The following ADAM10 variants were observed in gnomAD, a reference collection of about 807,000 sequenced individuals.
The protein encoded by ADAM10 is disintegrin and metalloproteinase domain-containing protein 10.
In ADAM10, 17 loss-of-function variants were observed where a neutral mutation model predicts 90.1. That is an observed-to-expected ratio of 0.19 (90% confidence interval 0.13 to 0.28). The LOEUF (loss-of-function observed/expected upper bound fraction) is 0.28, where lower values mean the gene tolerates loss of function less well. Ranked by LOEUF, ADAM10 falls within the 10% of genes least tolerant of loss-of-function variation. ADAM10 has a pLI of 1.00. For synonymous variants in ADAM10, 310 were observed against 298.6 expected (o/e 1.04, Z -0.40); for missense variants, 610 against 914.3 (o/e 0.67, Z 4.29).
intron 5 of ADAM10, among the ~76,000 whole-genome samples, chr15:58,650,768 T>C (rs1269932055): frequency 1.3e-5 from 2 of 152,184 alleles, no homozygotes; most frequent in African/African-American, 4.8e-5. Context: ...TATGGAAATA[T>C]ACATACACAT....
chr15:58,716,798 C>T (rs1898675514), intron 2 of ADAM10, among the ~76,000 whole-genome samples: 2 of 152,014 alleles, frequency 1.3e-5, no homozygotes, highest in African/African-American at 2.4e-5. Context: ...AGGGTTACAT[C>T]AGTACAAAAA....
chr15:58,602,061 A>C (rs953855875), intron 14 of ADAM10, among the ~76,000 whole-genome samples: 3 of 152,144 alleles, frequency 2.0e-5, no homozygotes, highest in Non-Finnish European at 2.9e-5. Context: ...TTTTGTAGGG[A>C]CCTAATTTGG....
chr15:58,683,562 A>G (rs1343916099), intron 2 of ADAM10, among the ~76,000 whole-genome samples: 1 of 152,164 alleles, frequency 6.6e-6, no homozygotes, highest in African/African-American at 2.4e-5. Flanking sequence ...ATGTGGCATA[A>G]TAAGAAATAT....
intron 1 of ADAM10, among the ~76,000 whole-genome samples, chr15:58,733,654 C>T (rs1453571343): frequency 1.3e-5 from 2 of 152,128 alleles, no homozygotes; most frequent in African/African-American, 4.8e-5. Flanking sequence ...GGAGAAACTG[C>T]ATAACCTCTA....
intron 9 of ADAM10, among the ~76,000 whole-genome samples, chr15:58,630,037 G>A (rs1315443983): frequency 6.6e-6 from 1 of 152,068 alleles, no homozygotes; most frequent in Non-Finnish European, 1.5e-5. Flanking sequence ...GCCTCCCAAA[G>A]TGCTGGGATT....
chr15:58,619,608 T>G (rs1895720593), intron 11 of ADAM10, among the ~76,000 whole-genome samples: 1 of 151,998 alleles, frequency 6.6e-6, no homozygotes, highest in Non-Finnish European at 1.5e-5. Context: ...ATGTATCAAT[T>G]AAAAATGGAA....
At chr15:58,738,324 C>T (rs1218623980) in intron 1 of ADAM10, among the ~76,000 whole-genome samples, 2 of 152,200 alleles carry the variant, frequency 1.3e-5, no homozygotes, top group African/African-American at 4.8e-5. Context: ...ACTAACAAAA[C>T]TGTTCTCCTG....
chr15:58,612,913 A>G (rs1449510043), intron 11 of ADAM10, among the ~76,000 whole-genome samples: 1 of 152,176 alleles, frequency 6.6e-6, no homozygotes, highest in Non-Finnish European at 1.5e-5. Context: ...CACAAGTACC[A>G]TAATAGGTTT....
chr15:58,614,431 G>A (rs1329674519), intron 11 of ADAM10, among the ~76,000 whole-genome samples: 2 of 152,062 alleles, frequency 1.3e-5, no homozygotes, highest in African/African-American at 2.4e-5. Context: ...AACAGCAAGA[G>A]GAAAGTATCA....
chr15:58,731,002 T>C (rs923415104), intron 1 of ADAM10, among the ~76,000 whole-genome samples: 10 of 152,202 alleles, frequency 6.6e-5, no homozygotes, highest in Admixed American at 5.9e-4. Flanking sequence ...CTGCCTATCA[T>C]GGGACTTTTC....
intron 8 of ADAM10, among the ~76,000 whole-genome samples, chr15:58,634,267 A>G (rs1596012190): frequency 6.6e-6 from 1 of 151,094 alleles, no homozygotes; most frequent in East Asian, 1.9e-4. Context: ...GTGCCACTGC[A>G]CTCCAGCCTG....
rs139186658 is a variant in ADAM10 at position 58,724,304 on chromosome 15, A to G, written c.56-6577T>C. 7.6e-3 allele frequency among the ~76,000 whole-genome samples: 1,151 copies of G among 152,318 alleles called. 9 individuals are homozygous for G. Among genetic ancestry groups the G allele is most frequent in the African/African-American group, 0.026 (1,098 of 41,572 alleles). On this transcript the variant is annotated intron_variant, in intron 1 of 15. Transcript: ENST00000260408. ...TTAAGGGTAAAATGACACGATGTCC[A>G]TAACTCACACTAGACAGATTCTAGG...
chr15:58,713,215 C>A (rs1898533942), intron 2 of ADAM10, among the ~76,000 whole-genome samples: 1 of 152,132 alleles, frequency 6.6e-6, no homozygotes, highest in Non-Finnish European at 1.5e-5. Flanking sequence ...GATCCTCCCA[C>A]CTCAGCCTCC....
chr15:58,624,395 A>G (rs928867798), intron 10 of ADAM10, among the ~76,000 whole-genome samples: 8 of 152,270 alleles, frequency 5.3e-5, no homozygotes, highest in African/African-American at 1.9e-4. Flanking sequence ...AATTCACATG[A>G]CACGTAATTT....
intron 11 of ADAM10, among the ~76,000 whole-genome samples, chr15:58,619,389 T>C (rs1220982618): frequency 6.6e-6 from 1 of 152,114 alleles, no homozygotes; most frequent in Non-Finnish European, 1.5e-5. Context: ...ATAGAAGGAA[T>C]GAGCTCTAGT....
At chr15:58,611,181 A>C in intron 12 of ADAM10, 74 bp from the exon 13 acceptor site, 1 of 1,040,696 alleles carries the variant, frequency 9.6e-7, no homozygotes, top group Non-Finnish European at 1.5e-6. Flanking sequence ...ACAGACAGGC[A>C]AGTATGAGCT....
chr15:58,711,947 T>A (rs1898487394), intron 2 of ADAM10, among the ~76,000 whole-genome samples: 1 of 152,094 alleles, frequency 6.6e-6, no homozygotes, highest in East Asian at 1.9e-4. Context: ...AGTGATCCCT[T>A]ATGCTTCTCT....
chr15:58,743,303 G>A (rs1380939473), intron 1 of ADAM10, among the ~76,000 whole-genome samples: 1 of 151,982 alleles, frequency 6.6e-6, no homozygotes, highest in Non-Finnish European at 1.5e-5. Flanking sequence ...ACTTTGTGTT[G>A]GCAGCAGTGG....
chr15:58,707,893 A>G (rs1430647795), intron 2 of ADAM10, among the ~76,000 whole-genome samples: 4 of 152,108 alleles, frequency 2.6e-5, no homozygotes, highest in African/African-American at 9.7e-5. Flanking sequence ...CCTGGCCAAT[A>G]TGGTGAAATG....
Sources: gnomAD v4.1 joint callset for allele counts (sites outside exome capture counted in the v4.1 genomes callset) on GRCh38, gnomAD v4.1.1 for gene constraint, MANE v1.5 for transcripts, NCBI Gene and HGNC (gene_info 2026-07-23, HGNC 2026-07-21) for gene names.